Variants in ARSK observed in about 807,000 individuals in gnomAD.
ARSK encodes the protein arylsulfatase family member K.
In ARSK, 37 loss-of-function variants were observed where a neutral mutation model predicts 53.2. The observed-to-expected ratio is 0.70, with a 90% CI of 0.54 to 0.92. ARSK has a LOEUF of 0.92. Ranked by LOEUF, ARSK falls within the 40% of genes least tolerant of loss-of-function variation. ARSK has a pLI of 0.00. For missense variants in ARSK, 613 were observed against 643.0 expected (o/e 0.95, Z 0.51); for synonymous variants, 208 against 223.2 (o/e 0.93, Z 0.61).
chr5:95,586,638 A>T lies in ARSK; in HGVS notation c.776A>T (p.Tyr259Phe). The change falls in exon 5 of 8, where the codon TAT becomes TTT. Residue 259 changes from tyrosine (Y) to phenylalanine (F), a missense_variant. By Grantham distance (22) the Tyr-to-Phe change is conservative. Transcript: ENST00000380009. ...EMHPVDYYSSYTKNCTGRFTK... is the reference protein window; with the variant it reads ...EMHPVDYYSSFTKNCTGRFTK... ...CACCCTGTAGATTATTACTCTTCTT[A>T]TACAAAAAACTGCACTGGAAGATTT... 6.2e-7 allele frequency: 1 copy of T among 1,611,984 alleles called. No homozygotes were observed. Among genetic ancestry groups the T allele is most frequent in the African/African-American group, 1.3e-5 (1 of 74,996 alleles).
In ARSK at chr5:95,591,102, AT is replaced by A. The variant is rs995424049; in HGVS notation, c.872-293del. 3.3e-5 allele frequency among the ~76,000 whole-genome samples: 5 copies of A among 152,182 alleles called. No individual in the cohort carries two copies. In the East Asian group the frequency reaches 9.7e-4, roughly 29 times the overall value. On this transcript the variant is annotated intron_variant, in intron 5 of 7. Transcript: ENST00000380009. ...TCTCATTCAAGGCACTAAGGGGAAG[AT>A]TTTTTCCCCTATTCTCTGGTAGAAA...
intron 3 of ARSK, among the ~76,000 whole-genome samples, chr5:95,571,808 T>C (rs1474107633): frequency 6.6e-6 from 1 of 152,226 alleles, no homozygotes; most frequent in African/African-American, 2.4e-5. Flanking sequence ...TAGGTCAAGG[T>C]TGCTGTTAAT....
intron 1 of ARSK, among the ~76,000 whole-genome samples, chr5:95,565,336 G>C (rs1314207723): frequency 6.6e-6 from 1 of 152,060 alleles, no homozygotes; most frequent in African/African-American, 2.4e-5. Context: ...TCCCACCTCA[G>C]CCTCCCAAAG....
chr5:95,583,053 A>T lies in ARSK; in HGVS notation c.554A>T (p.Asn185Ile). ...RDWQNTDKAV[N>I]WLRKEAINYT... ...TGGCAGAATACAGACAAAGCAGTAA[A>T]CTGGTTAAGAAAGGAAGCAATTAAT... is the stretch of plus-strand genomic sequence containing the variant. Residue 185 changes from asparagine (N) to isoleucine (I), a missense_variant, in exon 4 of 8, where the codon AAC becomes ATC. Coordinates refer to ENST00000380009, the MANE Select transcript of ARSK (RefSeq NM_198150.3). The T allele has an allele frequency of 6.2e-7, 1 of 1,613,828 alleles. No individual in the cohort carries two copies. Among genetic ancestry groups the T allele is most frequent in the Non-Finnish European group, 8.5e-7 (1 of 1,179,776 alleles).
chr5:95,576,709 A>C (rs1168375731), intron 3 of ARSK, among the ~76,000 whole-genome samples: 2 of 150,964 alleles, frequency 1.3e-5, no homozygotes, highest in Non-Finnish European at 3.0e-5. Context: ...ACATGGTGAA[A>C]CCCTGTCTCT....
At chr5:95,580,673 T>G (rs1269272367) in intron 3 of ARSK, among the ~76,000 whole-genome samples, 1 of 152,182 alleles carries the variant, frequency 6.6e-6, no homozygotes, top group Non-Finnish European at 1.5e-5. Flanking sequence ...CTCCTCTTAT[T>G]GTGTTTCATG....
chr5:95,576,287 C>T (rs186530803), intron 3 of ARSK, among the ~76,000 whole-genome samples: 2 of 151,204 alleles, frequency 1.3e-5, no homozygotes, highest in Admixed American at 1.3e-4. Context: ...CAACCTCCAC[C>T]TCCCAGGTTC....
At chr5:95,593,755 C>T (rs1429147408) in intron 6 of ARSK, among the ~76,000 whole-genome samples, 2 of 152,142 alleles carry the variant, frequency 1.3e-5, no homozygotes. Flanking sequence ...TCAGAAACTC[C>T]TCTAAATTCC....
At chr5:95,563,216 T>G (rs1222726511) in intron 1 of ARSK, among the ~76,000 whole-genome samples, 1 of 152,240 alleles carries the variant, frequency 6.6e-6, no homozygotes, top group Non-Finnish European at 1.5e-5. Flanking sequence ...TTATTGATAT[T>G]TCTGATATTG....
chr5:95,584,656 A>G (rs1047240677), intron 4 of ARSK, among the ~76,000 whole-genome samples: 3 of 152,146 alleles, frequency 2.0e-5, no homozygotes, highest in Middle Eastern at 3.2e-3. Flanking sequence ...CTGACAAAAG[A>G]CTAATATCCA....
At chr5:95,579,018 A>G (rs1748976210) in intron 3 of ARSK, among the ~76,000 whole-genome samples, 1 of 152,204 alleles carries the variant, frequency 6.6e-6, no homozygotes, top group African/African-American at 2.4e-5. Context: ...GTTGGTTAGT[A>G]TATTTGGCTA....
At chr5:95,578,883 C>T (rs1748974164) in intron 3 of ARSK, among the ~76,000 whole-genome samples, 1 of 152,182 alleles carries the variant, frequency 6.6e-6, no homozygotes. Context: ...AGAAAACCCA[C>T]ACAGTAATGG....
At chr5:95,598,946 C>A (rs1317954877) in intron 6 of ARSK, among the ~76,000 whole-genome samples, 1 of 152,156 alleles carries the variant, frequency 6.6e-6, no homozygotes, top group Admixed American at 6.5e-5. Context: ...CTCAGAGGGG[C>A]CTTCCCTGAC....
Position 95,591,484 on chromosome 5 carries a change from A to C in ARSK, c.955A>C (p.Met319Leu). ...IYSSDHGELA[M>L]EHRQFYKMSM... ...CTCCTCAGACCATGGAGAGCTGGCCATGGAACATCGACAGTTTTATAAAAT... is the reference window on the plus strand; with the variant it reads ...CTCCTCAGACCATGGAGAGCTGGCCCTGGAACATCGACAGTTTTATAAAAT... Residue 319 changes from methionine to leucine, a missense_variant, in exon 6 of 8, where the codon ATG (methionine) becomes CTG (leucine). Physicochemically the swap from Met to Leu is conservative, Grantham distance 15. Coordinates refer to ENST00000380009, the MANE Select transcript of ARSK (RefSeq NM_198150.3). The C allele has an allele frequency of 6.2e-7, 1 of 1,614,180 alleles. No homozygotes were observed. The highest frequency in any genetic ancestry group is 1.1e-5 in the South Asian group (1 of 91,078).
intron 2 of ARSK, 78 bp downstream of exon 2, chr5:95,566,205 A>G: frequency 6.6e-7 from 1 of 1,524,558 alleles, no homozygotes; most frequent in South Asian, 1.2e-5. Context: ...GATTATACCT[A>G]AAAGTAGAAT....
chr5:95,594,961 A>G (rs1034294497), intron 6 of ARSK, among the ~76,000 whole-genome samples: 2 of 152,236 alleles, frequency 1.3e-5, no homozygotes, highest in African/African-American at 2.4e-5. Context: ...AGAAATGTGC[A>G]TACGTTTTGA....
rs149245436 is a variant in ARSK, at chr5:95,594,613, G to A, written c.1096+2988G>A. On this transcript the variant is annotated intron_variant, in intron 6 of 7. Coordinates refer to ENST00000380009, the MANE Select transcript of ARSK (RefSeq NM_198150.3). ...TCCCAACACTTTGGGAGGTGGAGGC[G>A]GGTGGATCACGAGGTCAGGAGATCG... is the stretch of plus-strand genomic sequence containing the variant. Among the ~76,000 whole-genome samples the A allele has an allele frequency of 8.5e-3, 1,289 of 152,266 alleles. 14 individuals are homozygous for A. Among genetic ancestry groups the A allele is most frequent in the African/African-American group, 0.029 (1,225 of 41,562 alleles).
chr5:95,591,303 T>C, intron 5 of ARSK, 98 bp from the exon 6 acceptor site: 1 of 1,001,274 alleles, frequency 1.0e-6, no homozygotes, highest in Non-Finnish European at 1.5e-6. Flanking sequence ...AGAAGCATAG[T>C]GACAAACTCT....
At position 95,555,117 on chromosome 5, in the gene ARSK, T is replaced by G; in HGVS notation, c.-162T>G. 1 of 547,484 alleles carries G rather than the reference T, an allele frequency of 1.8e-6. No homozygotes were observed. The highest frequency in any genetic ancestry group is 3.2e-6 in the Non-Finnish European group (1 of 315,782). The allele number at this position is 547,484 out of a possible 1,614,324, so 33.9% of individuals were successfully genotyped here. ...GTTGCGCATGTGCGCGCTCTCCGCC[T>G]GATAGGAGTTGTAGTTCTGCGGGTG... On this transcript the variant is annotated 5_prime_UTR_variant, in exon 1 of 8. Transcript: ENST00000380009. This position sits in a 1 kb window ranked among gnomAD's most constrained non-coding sequence, Gnocchi z 4.0.
Sources: allele counts gnomAD v4.1 joint callset (sites outside exome capture counted in the v4.1 genomes callset), GRCh38; gene constraint gnomAD v4.1.1; non-coding constraint Gnocchi (gnomAD v3.1); transcripts MANE v1.5; gene names NCBI Gene and HGNC (gene_info 2026-07-23, HGNC 2026-07-21).